The following NBPF8 variants were observed in gnomAD, a reference collection of about 807,000 sequenced individuals.
NBPF8 encodes the protein NBPF family member NBPF8.
At chr1:120,424,584 A>T (rs1434662748) in intron 1 of NBPF8, among the ~76,000 whole-genome samples, 1 of 152,226 alleles carries the variant, frequency 6.6e-6, no homozygotes, top group South Asian at 2.1e-4. Flanking sequence ...AATAGCTGGG[A>T]TTACAGGCGC....
chr1:120,460,743 G>A (rs1291675256), intron 18 of NBPF8, 119 bp downstream of exon 16: 22 of 983,092 alleles, frequency 2.2e-5, no homozygotes, highest in African/African-American at 1.3e-4. Context: ...TCTGAATTAC[G>A]CCTACTACAT....
At chr1:120,469,015 T>G (rs1418489772), downstream of NBPF8, among the ~76,000 whole-genome samples, 1 of 151,826 alleles carries the variant, frequency 6.6e-6, no homozygotes, top group Non-Finnish European at 1.5e-5. Context: ...TGTTGAGAAA[T>G]TCAGCTGTTA....
chr1:120,419,507 G>T (rs1278367836), upstream of NBPF8, among the ~76,000 whole-genome samples: 1 of 151,858 alleles, frequency 6.6e-6, no homozygotes, highest in Non-Finnish European at 1.5e-5. Context: ...TTTCCCCCAG[G>T]CTGGAGTTCA....
intron 18 of NBPF8, 88 bp downstream of exon 16, chr1:120,460,712 G>T: frequency 3.2e-6 from 3 of 927,210 alleles, no homozygotes; most frequent in South Asian, 1.3e-5. Flanking sequence ...TGAAAATAAT[G>T]ATTTTGTCTT....
At chr1:120,421,568 CTTTCTTCT>C (rs1344611224) in intron 1 of NBPF8, among the ~76,000 whole-genome samples, 11 of 148,266 alleles carry the variant, frequency 7.4e-5, no homozygotes, top group African/African-American at 2.7e-4. Context: ...TCCTTTCTTC[CTTTCTTCT>C]TTTCTTTTTC....
intron 22 of NBPF8, among the ~76,000 whole-genome samples, chr1:120,464,175 G>GTT (rs1553250604): frequency 1.2e-5 from 1 of 85,744 alleles, no homozygotes; most frequent in Admixed American, 1.3e-4. Flanking sequence ...GTGTGTGTGT[G>GTT]TGTCTGTCTG....
chr1:120,423,266 T>TC (rs1172167289), intron 1 of NBPF8, among the ~76,000 whole-genome samples: 2 of 121,260 alleles, frequency 1.6e-5, no homozygotes, highest in Admixed American at 1.5e-4. Context: ...GCACCTTACA[T>TC]TTACGTGTAA....
chr1:120,459,612 G>C, intron 17 of NBPF8, 82 bp downstream of exon 15: 3 of 1,373,454 alleles, frequency 2.2e-6, no homozygotes, highest in South Asian at 1.1e-5. Flanking sequence ...TGTGCCGCTT[G>C]TTGGGCTGAG....
upstream of NBPF8, chr1:120,433,421 A>C (rs1553247300): frequency 1.3e-5 from 2 of 152,630 alleles, no homozygotes; most frequent in Admixed American, 6.5e-5. Flanking sequence ...TTTAGTAGAA[A>C]CTTTTTTATT....
intron 1 of NBPF8, among the ~76,000 whole-genome samples, chr1:120,424,231 G>A (rs1660646844): frequency 6.6e-6 from 1 of 151,736 alleles, no homozygotes; most frequent in Non-Finnish European, 1.5e-5. Context: ...GACAAGTAGA[G>A]AAGAGATTGC....
intron 16 of NBPF8, among the ~76,000 whole-genome samples, chr1:120,456,282 T>C (rs1287129932): frequency 6.6e-6 from 1 of 151,002 alleles, no homozygotes; most frequent in Non-Finnish European, 1.5e-5. Flanking sequence ...CTTTTAGGTC[T>C]GCTTGGTGGA....
chr1:120,415,894 G>T (rs1660425070), upstream of NBPF8, among the ~76,000 whole-genome samples: 1 of 152,110 alleles, frequency 6.6e-6, no homozygotes, highest in Non-Finnish European at 1.5e-5. Flanking sequence ...TGTCTTTCTG[G>T]CTTGTTAGAT....
At chr1:120,462,176 A>T (rs1465731143) in exon 20 of NBPF8, 5 of 538,468 alleles carry the variant, frequency 9.3e-6, no homozygotes, top group Non-Finnish European at 1.6e-5. Context: ...GTGGAAGAAG[A>T]CCAAGACCCA....
intron 15 of NBPF8, among the ~76,000 whole-genome samples, chr1:120,455,135 T>A (rs1382587036): frequency 6.6e-6 from 1 of 151,238 alleles, no homozygotes; most frequent in Non-Finnish European, 1.5e-5. Context: ...TTTTGGAGAT[T>A]TTTTTGGGGA....
At chr1:120,427,800 C>T (rs1210752197) in exon 3 of NBPF8, among the ~76,000 whole-genome samples, 26 of 141,434 alleles carry the variant, frequency 1.8e-4, no homozygotes, top group Non-Finnish European at 4.0e-4. Context: ...AAAGTTAATG[C>T]CAAGAAGCAG....
chr1:120,425,604 G>A (rs1245692233), intron 1 of NBPF8, among the ~76,000 whole-genome samples: 89 of 152,094 alleles, frequency 5.9e-4, no homozygotes, highest in African/African-American at 2.1e-3. Context: ...GCTGAACGCC[G>A]GTCCCCTGGG....
chr1:120,436,569 A>G (rs1661088549), exon 1 of NBPF8: 3 of 1,564,776 alleles, frequency 1.9e-6, no homozygotes, highest in Non-Finnish European at 2.6e-6. Flanking sequence ...GCAGAGATGA[A>G]CATTCTAGAA....
chr1:120,460,429 G>C, intron 17 of NBPF8, 144 bp from the exon 16 acceptor site: 1 of 757,890 alleles, frequency 1.3e-6, no homozygotes, highest in Non-Finnish European at 2.4e-6. Flanking sequence ...CTTGACCTCA[G>C]GCCTACTGGA....
upstream of NBPF8, among the ~76,000 whole-genome samples, chr1:120,415,094 C>T (rs1553244868): frequency 0.013 from 1,992 of 152,154 alleles, 28 homozygotes; most frequent in Middle Eastern, 0.027. Flanking sequence ...GTTGAGACAG[C>T]GGCGGTATTG....
Sources: allele counts gnomAD v4.1 joint callset (sites outside exome capture counted in the v4.1 genomes callset), GRCh38; gene constraint gnomAD v4.1.1; transcripts MANE v1.5; gene names NCBI Gene and HGNC (gene_info 2026-07-23, HGNC 2026-07-21).